The following PLCB1 variants were observed in gnomAD, a reference collection of about 807,000 sequenced individuals.
PLCB1 encodes phospholipase C beta 1.
In PLCB1, 46 loss-of-function variants were observed where a neutral mutation model predicts 161.8. That is an observed-to-expected ratio of 0.28 (90% CI 0.22 to 0.36). PLCB1 has a LOEUF of 0.36. PLCB1 is among the 10% of genes least tolerant of loss of function. The pLI is 1.00. For synonymous variants in PLCB1, 517 were observed against 503.7 expected (o/e 1.03, Z -0.35); for missense variants, 1,016 against 1,472.5 (o/e 0.69, Z 5.07).
intron 14 of PLCB1, among the ~76,000 whole-genome samples, chr20:8,718,323 T>C (rs1424954402): frequency 6.6e-6 from 1 of 152,236 alleles, no homozygotes; most frequent in Non-Finnish European, 1.5e-5. Flanking sequence ...GCTACAAACT[T>C]AGCGGCTTAA....
At chr20:8,523,254 G>C (rs182518676) in intron 3 of PLCB1, among the ~76,000 whole-genome samples, 8 of 151,664 alleles carry the variant, frequency 5.3e-5, no homozygotes, top group African/African-American at 1.2e-4. Context: ...AACTAGTCTA[G>C]ACACTAGGGA....
At chr20:8,421,980 T>A (rs1308365045) in intron 3 of PLCB1, among the ~76,000 whole-genome samples, 3 of 152,244 alleles carry the variant, frequency 2.0e-5, no homozygotes. Context: ...GCACAGCATT[T>A]AAGCAATATT....
At chr20:8,334,574 T>G (rs1404160172) in intron 2 of PLCB1, among the ~76,000 whole-genome samples, 2 of 152,252 alleles carry the variant, frequency 1.3e-5, no homozygotes, top group Non-Finnish European at 2.9e-5. Flanking sequence ...TATTCTTAGT[T>G]TATTGGTCAA....
chr20:8,494,108 T>C (rs77435940), intron 3 of PLCB1, among the ~76,000 whole-genome samples: 5 of 141,368 alleles, frequency 3.5e-5, no homozygotes, highest in African/African-American at 1.3e-4. Flanking sequence ...CATTGGAAGG[T>C]GAACCTCAGG....
chr20:8,799,529 C>T (rs1177538122), intron 31 of PLCB1, among the ~76,000 whole-genome samples: 2 of 151,936 alleles, frequency 1.3e-5, no homozygotes, highest in East Asian at 1.9e-4. Flanking sequence ...TTTTTTAAAG[C>T]CCTATTTTGA....
At chr20:8,302,561 T>G (rs1210470706) in intron 2 of PLCB1, among the ~76,000 whole-genome samples, 2 of 152,236 alleles carry the variant, frequency 1.3e-5, no homozygotes, top group African/African-American at 4.8e-5. Flanking sequence ...GGCTTTCAAT[T>G]AGAAATTTGA....
At chr20:8,756,255 T>C (rs1379856475) in intron 23 of PLCB1, among the ~76,000 whole-genome samples, 3 of 152,168 alleles carry the variant, frequency 2.0e-5, no homozygotes, top group African/African-American at 7.2e-5. Context: ...CAAGATAATA[T>C]TATGATCCCC....
At chr20:8,851,717 TTTTTTTTTCA>T (rs1986892765) in intron 31 of PLCB1, among the ~76,000 whole-genome samples, 2 of 152,080 alleles carry the variant, frequency 1.3e-5, no homozygotes, top group Non-Finnish European at 1.5e-5. Context: ...TTTTGGTTTT[TTTTTTTTTCA>T]TTTTTTTCAT....
chr20:8,448,339 C>T (rs1314021039), intron 3 of PLCB1, among the ~76,000 whole-genome samples: 1 of 152,172 alleles, frequency 6.6e-6, no homozygotes, highest in African/African-American at 2.4e-5. Context: ...CTGTTTCTTC[C>T]ACTAGCAGTT....
intron 2 of PLCB1, chr20:8,256,872 A>G (rs1981447418): frequency 6.6e-6 from 1 of 152,136 alleles, no homozygotes; most frequent in Non-Finnish European, 1.5e-5. Flanking sequence ...TAAACTGGGC[A>G]ATTTTCTGTC....
At chr20:8,379,284 T>C (rs1295178351) in intron 3 of PLCB1, among the ~76,000 whole-genome samples, 3 of 152,214 alleles carry the variant, frequency 2.0e-5, no homozygotes. Flanking sequence ...CATTATCTCA[T>C]TACTTTTTAT....
intron 8 of PLCB1, among the ~76,000 whole-genome samples, chr20:8,658,159 C>A (rs1427675007): frequency 1.3e-5 from 2 of 152,102 alleles, no homozygotes; most frequent in African/African-American, 4.8e-5. Context: ...ATAAATACAT[C>A]TTTAAATGAT....
chr20:8,302,944 G>T (rs968080175), intron 2 of PLCB1, among the ~76,000 whole-genome samples: 1 of 152,138 alleles, frequency 6.6e-6, no homozygotes, highest in Non-Finnish European at 1.5e-5. Flanking sequence ...GATTGAAGAT[G>T]AAAATAGGCT....
intron 3 of PLCB1, among the ~76,000 whole-genome samples, chr20:8,609,766 A>T (rs1987852800): frequency 6.6e-6 from 1 of 152,106 alleles, no homozygotes; most frequent in African/African-American, 2.4e-5. Flanking sequence ...GCCTCGGCCC[A>T]CTATGTAGGT....
chr20:8,564,870 C>A (rs1051787017), intron 3 of PLCB1, among the ~76,000 whole-genome samples: 3 of 152,148 alleles, frequency 2.0e-5, no homozygotes, highest in East Asian at 1.9e-4. Context: ...CAAATAGGAA[C>A]AATTTTACAC....
chr20:8,837,421 C>T (rs1986330829), intron 31 of PLCB1, among the ~76,000 whole-genome samples: 1 of 152,120 alleles, frequency 6.6e-6, no homozygotes, highest in Non-Finnish European at 1.5e-5. Context: ...GTAGGAGAAA[C>T]ACAAATTAGA....
chr20:8,789,371 C>T (rs1196324712), intron 29 of PLCB1, 147 bp from the exon 30 acceptor site: 6 of 637,234 alleles, frequency 9.4e-6, no homozygotes, highest in East Asian at 5.6e-5. Flanking sequence ...AGAGCGAAAC[C>T]TTGTCTCCAA....
chr20:8,307,700 C>T (rs923543621), intron 2 of PLCB1, among the ~76,000 whole-genome samples: 1 of 152,206 alleles, frequency 6.6e-6, no homozygotes, highest in African/African-American at 2.4e-5. Context: ...GTGGGTGGAT[C>T]ACCTGAGGTC....
At chr20:8,602,193 G>A (rs1202962729) in intron 3 of PLCB1, among the ~76,000 whole-genome samples, 1 of 152,010 alleles carries the variant, frequency 6.6e-6, no homozygotes, top group African/African-American at 2.4e-5. Context: ...AAATAAAGAA[G>A]AGTATATGAC....
Sources: gnomAD v4.1 joint callset for allele counts (sites outside exome capture counted in the v4.1 genomes callset) on GRCh38, gnomAD v4.1.1 for gene constraint, MANE v1.5 for transcripts, NCBI Gene and HGNC (gene_info 2026-07-23, HGNC 2026-07-21) for gene names.